The following ARSB variants were observed in gnomAD, a reference collection of about 807,000 sequenced individuals.
ARSB encodes the protein arylsulfatase B, also known as N-acetylgalactosamine-4-sulfatase.
A neutral mutation model predicts 50.9 loss-of-function variants in ARSB; 41 were observed. The observed-to-expected ratio is 0.81, with a 90% confidence interval of 0.63 to 1.04. The LOEUF is 1.04. Ranked by LOEUF, ARSB falls within the 50% of genes least tolerant of loss-of-function variation. The pLI, the probability that ARSB is intolerant of heterozygous loss-of-function variation, is 0.00. For synonymous variants in ARSB, 269 were observed against 284.8 expected, an observed-to-expected ratio of 0.94 and a Z score of 0.56; for missense variants, 672 against 693.3, an observed-to-expected ratio of 0.97 and a Z score of 0.35.
At chr5:78,964,689 G>T in intron 2 of ARSB, 83 bp from the exon 3 acceptor site, 1 of 1,291,346 alleles carries the variant, frequency 7.7e-7, no homozygotes, top group Non-Finnish European at 1.1e-6. Context: ...ATTGCCTAAT[G>T]CAATTGATTA....
At position 78,780,468 on chromosome 5, in the gene ARSB, G is replaced by C; in HGVS notation, c.1531C>G (p.Pro511Ala). Reference protein sequence around the residue: ...RLQFYHKHSVPVYFPAQDPRC... With the variant: ...RLQFYHKHSVAVYFPAQDPRC... ...GGGTCCTGTGCAGGGAAGTACACGG[G>C]GACTGAGTGTTTATGGTAGAACTGT... The change falls in exon 8 of 8, where the codon CCC becomes GCC. Residue 511 changes from proline to alanine, a missense_variant. By Grantham distance (27) the Pro-to-Ala change is conservative. Coordinates refer to ENST00000264914, the MANE Select transcript of ARSB (RefSeq NM_000046.5). The C allele has an allele frequency of 3.1e-6, 5 of 1,614,130 alleles. No homozygotes were observed. Among genetic ancestry groups the C allele is most frequent in the Non-Finnish European group, 4.2e-6 (5 of 1,180,022 alleles).
At chr5:78,856,879 A>T (rs918236089) in intron 5 of ARSB, among the ~76,000 whole-genome samples, 7 of 152,188 alleles carry the variant, frequency 4.6e-5, no homozygotes, top group African/African-American at 1.7e-4. Flanking sequence ...ACTCTCTCAT[A>T]AGAAGTATAG....
chr5:78,928,591 C>T (rs1750170544), intron 4 of ARSB, among the ~76,000 whole-genome samples: 3 of 152,178 alleles, frequency 2.0e-5, no homozygotes, highest in Admixed American at 2.0e-4. Flanking sequence ...GCTGGGATTA[C>T]AGGCGTGAGC....
chr5:78,812,681 C>T (rs1029867222), intron 6 of ARSB, among the ~76,000 whole-genome samples: 1 of 150,748 alleles, frequency 6.6e-6, no homozygotes, highest in Non-Finnish European at 1.5e-5. Flanking sequence ...TGAAATTGTA[C>T]TGGTACACAT....
chr5:78,833,009 G>A (rs1744759048), intron 6 of ARSB, among the ~76,000 whole-genome samples: 1 of 152,174 alleles, frequency 6.6e-6, no homozygotes. Flanking sequence ...GATCATTACT[G>A]CAGAACAGCC....
intron 6 of ARSB, among the ~76,000 whole-genome samples, chr5:78,786,388 C>T (rs528948492): frequency 6.6e-6 from 1 of 152,154 alleles, no homozygotes; most frequent in African/African-American, 2.4e-5. Flanking sequence ...CAAAAATATA[C>T]CACATTTTCT....
chr5:78,867,683 A>T (rs1273125219), intron 5 of ARSB, among the ~76,000 whole-genome samples: 2 of 152,194 alleles, frequency 1.3e-5, no homozygotes, highest in East Asian at 3.9e-4. Context: ...ATCAAAGACC[A>T]AAAGTAGATA....
chr5:78,826,417 T>C (rs767754072), intron 6 of ARSB, among the ~76,000 whole-genome samples: 14 of 152,210 alleles, frequency 9.2e-5, no homozygotes, highest in Non-Finnish European at 8.8e-5. Flanking sequence ...TCTAGATGTT[T>C]GGGTATAGAA....
chr5:78,855,670 C>T lies in ARSB; in HGVS notation c.1143-16244G>A, dbSNP rs377559574. On this transcript the variant is annotated intron_variant, in intron 5 of 7. Transcript: ENST00000264914. Reference sequence around the variant, plus strand: ...ATTGGCTCCTTCTCTGGGGGAAGCACGGACATGTGGACTTCAGGCAGCTCC... The same window carrying T: ...ATTGGCTCCTTCTCTGGGGGAAGCATGGACATGTGGACTTCAGGCAGCTCC... Among the ~76,000 whole-genome samples the T allele has an allele frequency of 1.6e-4, 24 of 152,230 alleles. No individual in the cohort carries two copies. The East Asian group carries it at 2.3e-3, about 15-fold the overall frequency.
intron 6 of ARSB, among the ~76,000 whole-genome samples, chr5:78,808,506 G>T (rs566300670): frequency 6.6e-6 from 1 of 152,164 alleles, no homozygotes; most frequent in Non-Finnish European, 1.5e-5. Context: ...GACGAGGCCT[G>T]CATGACCTCC....
In ARSB at chr5:78,928,905, C is replaced by T. The variant is rs114913113; in HGVS notation, c.898+26390G>A. Among the ~76,000 whole-genome samples, 505 of 152,250 alleles carry T rather than the reference C, an allele frequency of 3.3e-3. 2 individuals are homozygous for T. Among genetic ancestry groups the T allele is most frequent in the African/African-American group, 0.011 (473 of 41,554 alleles). On this transcript the variant is annotated intron_variant, in intron 4 of 7. Transcript: ENST00000264914. ...CTGTGGTCTTGTGTGCCTCTTTGAA[C>T]ACCAAAGGCTGGACAGGCCTAGTCA...
chr5:78,901,064 A>AAG (rs1267718280), intron 4 of ARSB, among the ~76,000 whole-genome samples: 1 of 151,204 alleles, frequency 6.6e-6, no homozygotes, highest in Non-Finnish European at 1.5e-5. Flanking sequence ...AAAAAAAAAA[A>AAG]AAGTCATCAA....
rs1323864598 is a variant in ARSB at position 78,852,041 on chromosome 5, G to A, written c.1143-12615C>T. On this transcript the variant is annotated intron_variant, in intron 5 of 7. Coordinates refer to ENST00000264914, the MANE Select transcript of ARSB (RefSeq NM_000046.5). ...TTTGCCAGTCTGTGTCTTTTAATTG[G>A]AGCATTTAGCCCATTTACATTTAAA... Among the ~76,000 whole-genome samples the A allele has an allele frequency of 2.0e-5, 3 of 152,074 alleles. No individual in the cohort carries two copies. The East Asian group carries it at 5.8e-4, about 29-fold the overall frequency.
At chr5:78,879,798 T>TGCTG (rs1193260730) in intron 5 of ARSB, among the ~76,000 whole-genome samples, 1 of 152,340 alleles carries the variant, frequency 6.6e-6, no homozygotes, top group South Asian at 2.1e-4. Flanking sequence ...ACTTGCCTAA[T>TGCTG]GCTGTGAGAA....
At chr5:78,926,449 T>C (rs1750057945) in intron 4 of ARSB, among the ~76,000 whole-genome samples, 1 of 152,186 alleles carries the variant, frequency 6.6e-6, no homozygotes, top group Admixed American at 6.5e-5. Context: ...CCCCACTTTT[T>C]TTTTTTCTTT....
At chr5:78,880,351 G>A (rs1240654152) in intron 5 of ARSB, among the ~76,000 whole-genome samples, 2 of 152,040 alleles carry the variant, frequency 1.3e-5, no homozygotes, top group African/African-American at 4.8e-5. Context: ...AGTAAATTTG[G>A]GACTCAAAAT....
In ARSB at chr5:78,780,066, T is replaced by C; in HGVS notation, c.*331A>G. 2.9e-6 allele frequency: 1 copy of C among 344,860 alleles called. No individual in the cohort carries two copies. The highest frequency in any genetic ancestry group is 5.5e-6 in the Non-Finnish European group (1 of 181,518). 21.4% of individuals were successfully genotyped at this position (344,860 alleles called of 1,614,324 possible). ...AGAGGGGAATCGAACGTCTGACTTGTGAGTCTAAAAGAGCCAGCTGTTCCA... is the reference window on the plus strand; with the variant it reads ...AGAGGGGAATCGAACGTCTGACTTGCGAGTCTAAAAGAGCCAGCTGTTCCA... On this transcript the variant is annotated 3_prime_UTR_variant, in exon 8 of 8. Coordinates refer to ENST00000264914, the MANE Select transcript of ARSB (RefSeq NM_000046.5).
At chr5:78,962,091 A>C (rs1752011081) in intron 3 of ARSB, among the ~76,000 whole-genome samples, 1 of 152,164 alleles carries the variant, frequency 6.6e-6, no homozygotes, top group Non-Finnish European at 1.5e-5. Context: ...TGAGGTCTGG[A>C]GTCAGAGAGC....
chr5:78,788,704 G>C (rs1749163987), intron 6 of ARSB, among the ~76,000 whole-genome samples: 1 of 152,132 alleles, frequency 6.6e-6, no homozygotes, highest in South Asian at 2.1e-4. Context: ...TGGCTCAAAT[G>C]ATCCTCCTAC....
Sources: gnomAD v4.1 joint callset for allele counts (sites outside exome capture counted in the v4.1 genomes callset) on GRCh38, gnomAD v4.1.1 for gene constraint, MANE v1.5 for transcripts, NCBI Gene and HGNC (gene_info 2026-07-23, HGNC 2026-07-21) for gene names.